SETD7: variants seen among roughly 807,000 people sequenced by gnomAD.
The protein encoded by SETD7 is histone-lysine N-methyltransferase SETD7.
A neutral mutation model predicts 41.8 loss-of-function variants in SETD7; 16 were observed. The ratio of observed to expected loss-of-function variants is 0.38; its 90% CI spans 0.26 to 0.58. The LOEUF (loss-of-function observed/expected upper bound fraction) is 0.58. Ranked by LOEUF, SETD7 falls within the 20% of genes least tolerant of loss-of-function variation. The probability of loss-of-function intolerance (pLI) is 0.64; values close to 1 mark genes in which losing one functional copy is unlikely to be tolerated. For missense variants in SETD7, 346 were observed against 459.7 expected, an observed-to-expected ratio of 0.75 and a Z score of 2.26; for synonymous variants, 163 against 169.7, an observed-to-expected ratio of 0.96 and a Z score of 0.31.
chr4:139,516,292 C>T (rs1727022860), intron 7 of SETD7, among the ~76,000 whole-genome samples: 1 of 296 alleles, frequency 3.4e-3, no homozygotes, highest in Admixed American at 0.12. Flanking sequence ...ATGGTGAAAC[C>T]CCCATCTCTA....
At chr4:139,546,640 A>G (rs772497682) in intron 2 of SETD7, 11 of 428,104 alleles carry the variant, frequency 2.6e-5, no homozygotes, top group Non-Finnish European at 3.9e-5. Context: ...TTGGGTGACC[A>G]TGTAACCAAC....
chr4:139,529,577 T>C (rs991573639), intron 3 of SETD7, among the ~76,000 whole-genome samples: 2 of 152,248 alleles, frequency 1.3e-5, no homozygotes, highest in South Asian at 2.1e-4. Flanking sequence ...TACCAATATT[T>C]AAAGGAAATG....
chr4:139,555,993 A>C lies in SETD7; in HGVS notation c.40+105T>G. 2 of 1,201,588 alleles carry C rather than the reference A, an allele frequency of 1.7e-6. No homozygotes were observed. The highest frequency in any genetic ancestry group is 1.6e-5 in the South Asian group (1 of 62,440). 74.4% of individuals were successfully genotyped at this position (1,201,588 alleles called of 1,614,324 possible). A position where few individuals can be genotyped will look rare whatever the true frequency, so the allele number is the denominator to read the frequency against. On this transcript the variant is annotated intron_variant, in intron 1 of 7. Coordinates refer to ENST00000274031, the MANE Select transcript of SETD7 (RefSeq NM_030648.4). The surrounding 1 kb of genome is among the most constrained non-coding windows in gnomAD (Gnocchi z 4.0). ...GCAACCGGCCACCCGTGTAGGGGAC[A>C]GTGGCGGCCGCGGGGCCCGGCGCCG... is the stretch of plus-strand genomic sequence containing the variant.
intron 2 of SETD7, among the ~76,000 whole-genome samples, chr4:139,540,001 G>C (rs1346883441): frequency 6.6e-6 from 1 of 152,112 alleles, no homozygotes; most frequent in African/African-American, 2.4e-5. Context: ...CCAGTCTATG[G>C]AATTTGTTGT....
At chr4:139,548,163 T>C (rs963743384) in intron 1 of SETD7, 2 of 152,178 alleles carry the variant, frequency 1.3e-5, no homozygotes, top group African/African-American at 4.8e-5. Context: ...AAACACTGTG[T>C]CTAATGCAGG....
rs966539120 is a variant in SETD7 at position 139,507,792 on chromosome 4, T to C, written c.*3871A>G. 1.3e-5 allele frequency: 2 copies of C among 152,524 alleles called. No homozygotes were observed. The highest frequency in any genetic ancestry group is 4.8e-5 in the African/African-American group (2 of 41,448). The allele number at this position is 152,524 out of a possible 1,614,324, so 9.4% of individuals were successfully genotyped here. A position where few individuals can be genotyped will look rare whatever the true frequency, so the allele number is the denominator to read the frequency against. On this transcript the variant is annotated 3_prime_UTR_variant, in exon 8 of 8. Coordinates refer to ENST00000274031, the MANE Select transcript of SETD7 (RefSeq NM_030648.4). The stretch of plus-strand genomic sequence containing the variant: ...ATAAAAGAAAAACAATAATAATCTA[T>C]CAAGGTACCCCAAGTAGATGTAAAT...
At chr4:139,499,819 G>T (rs543135002) in intron 7 of SETD7, among the ~76,000 whole-genome samples, 6 of 152,182 alleles carry the variant, frequency 3.9e-5, no homozygotes, top group African/African-American at 1.2e-4. Context: ...CAGGGCAGTG[G>T]GCAAGAAGAA....
chr4:139,520,170 C>T (rs528985891), intron 6 of SETD7, 107 bp downstream of exon 6: 1 of 561,094 alleles, frequency 1.8e-6, no homozygotes, highest in Admixed American at 3.0e-5. Context: ...TACAAAAAAG[C>T]CAATCTGCTT....
chr4:139,501,201 G>A (rs1726568961), downstream of SETD7, among the ~76,000 whole-genome samples: 2 of 152,142 alleles, frequency 1.3e-5, no homozygotes, highest in Non-Finnish European at 2.9e-5. Context: ...CAAAGGCAAG[G>A]ATTTTGTTTT....
downstream of SETD7, among the ~76,000 whole-genome samples, chr4:139,504,923 GGAA>G (rs1226597208): frequency 6.6e-6 from 1 of 152,116 alleles, no homozygotes; most frequent in Non-Finnish European, 1.5e-5. Context: ...TTTCCCACAA[GGAA>G]GAAGAATATT....
At chr4:139,556,052 C>T in intron 1 of SETD7, 46 bp downstream of exon 1, 1 of 1,555,766 alleles carries the variant, frequency 6.4e-7, no homozygotes, top group Middle Eastern at 1.7e-4. Flanking sequence ...TTCCGCGCTC[C>T]AGGCCCTCTG....
Position 139,511,211 on chromosome 4 carries a change from G to A in SETD7, c.*452C>T. 5.8e-6 allele frequency: 1 copy of A among 172,722 alleles called. No individual in the cohort carries two copies. The highest frequency in any genetic ancestry group is 1.2e-5 in the Non-Finnish European group (1 of 82,334). 10.7% of individuals were successfully genotyped at this position (172,722 alleles called of 1,614,324 possible). On this transcript the variant is annotated 3_prime_UTR_variant, in exon 8 of 8. Coordinates refer to ENST00000274031, the MANE Select transcript of SETD7 (RefSeq NM_030648.4). ...TAAAAGGCAAATTATACTACATTTA[G>A]AGAATAAAGATGTAGTAATTGTCAA... is the stretch of plus-strand genomic sequence containing the variant.
intron 5 of SETD7, among the ~76,000 whole-genome samples, chr4:139,522,792 T>C (rs1326248679): frequency 7.0e-6 from 1 of 143,028 alleles, no homozygotes; most frequent in African/African-American, 2.6e-5. Context: ...CTTGCTCTGT[T>C]GCTCAGGCTG....
chr4:139,535,463 T>C (rs1379708312), intron 2 of SETD7, among the ~76,000 whole-genome samples: 2 of 152,216 alleles, frequency 1.3e-5, no homozygotes, highest in Admixed American at 6.5e-5. Context: ...CTGTGTGAGT[T>C]TGGGTAGAAT....
At chr4:139,530,031 A>G (rs554422072) in intron 3 of SETD7, among the ~76,000 whole-genome samples, 1 of 152,322 alleles carries the variant, frequency 6.6e-6, no homozygotes, top group Non-Finnish European at 1.5e-5. Context: ...AGGCTATCAT[A>G]TAATTCTATA....
intron 4 of SETD7, among the ~76,000 whole-genome samples, chr4:139,524,211 C>T (rs1727258210): frequency 6.6e-6 from 1 of 152,194 alleles, no homozygotes; most frequent in African/African-American, 2.4e-5. Context: ...TTACTAGGTC[C>T]TCTTTCTGTT....
intron 2 of SETD7, among the ~76,000 whole-genome samples, chr4:139,545,318 G>C (rs966630346): frequency 1.3e-5 from 2 of 152,080 alleles, no homozygotes; most frequent in Non-Finnish European, 2.9e-5. Flanking sequence ...CAGAGACAGG[G>C]TCTCACTATG....
Position 139,529,047 on chromosome 4 carries a change from A to C in SETD7, c.546T>G (p.Phe182Leu). The change falls in exon 4 of 8, where the codon TTT (phenylalanine) becomes TTG (leucine). Residue 182 changes from phenylalanine (F) to leucine (L), a missense_variant. By Grantham distance (22) the Phe-to-Leu change is conservative. This residue lies in a region of SETD7 where 266 missense variants were observed against 377.0 expected (regional missense o/e 0.71). Transcript: ENST00000274031. ...TCAACTTACTTCCAGGCATCAGTTCAAAGTGAGGCCTCCCTTCTTCAGTGG... is the reference window on the plus strand; with the variant it reads ...TCAACTTACTTCCAGGCATCAGTTCCAAGTGAGGCCTCCCTTCTTCAGTGG... Reference protein sequence around the residue: ...LMSTEEGRPHFELMPGNSVYH... With the variant: ...LMSTEEGRPHLELMPGNSVYH... 2 of 1,613,998 alleles carry C rather than the reference A, an allele frequency of 1.2e-6. No homozygotes were observed. Among genetic ancestry groups the C allele is most frequent in the Non-Finnish European group, 1.7e-6 (2 of 1,179,962 alleles).
intron 1 of SETD7, among the ~76,000 whole-genome samples, chr4:139,552,875 G>C (rs756828331): frequency 6.6e-6 from 1 of 152,182 alleles, no homozygotes; most frequent in South Asian, 2.1e-4. Context: ...AATCATATTA[G>C]AGACCACATC....
Sources: allele counts gnomAD v4.1 joint callset (sites outside exome capture counted in the v4.1 genomes callset), GRCh38; gene constraint gnomAD v4.1.1; regional missense constraint gnomAD v4.1.1; non-coding constraint Gnocchi (gnomAD v3.1); transcripts MANE v1.5; gene names NCBI Gene and HGNC (gene_info 2026-07-23, HGNC 2026-07-21).